RAB36: variants seen among roughly 807,000 people sequenced by gnomAD.
RAB36 encodes the protein ras-related protein Rab-36.
RAB36 carries 33 observed loss-of-function variants against 39.3 expected under a neutral mutation model. The observed-to-expected ratio is 0.84, with a 90% CI of 0.64 to 1.12. The LOEUF (loss-of-function observed/expected upper bound fraction) is 1.12. RAB36 is among the 50% of genes most tolerant of loss of function. The probability of loss-of-function intolerance (pLI) is 0.00; values close to 1 mark genes in which losing one functional copy is unlikely to be tolerated. For missense variants in RAB36, 308 were observed against 355.3 expected, an observed-to-expected ratio of 0.87 and a Z score of 1.07; for synonymous variants, 133 against 140.2, an observed-to-expected ratio of 0.95 and a Z score of 0.36.
At chr22:23,158,847 T>G (rs2146580723) in intron 7 of RAB36, 51 bp from the exon 8 acceptor site, 65 of 1,502,090 alleles carry the variant, frequency 4.3e-5, no homozygotes, top group Non-Finnish European at 5.5e-5. Context: ...CTGCCCCCTG[T>G]TTGGGGTGGG....
rs901767235 is a variant in RAB36 at position 23,165,293 on chromosome 22, C to A, written c.*3729C>A. On this transcript the variant is annotated 3_prime_UTR_variant, in exon 11 of 11. Coordinates refer to ENST00000263116, the MANE Select transcript of RAB36 (RefSeq NM_004914.5). ...CCCAGATGCCACCACACGAAACTTACACCTGCCTGGGGAACAATCCTGTGC... is the reference window on the plus strand; with the variant it reads ...CCCAGATGCCACCACACGAAACTTAAACCTGCCTGGGGAACAATCCTGTGC... Among the ~76,000 whole-genome samples, 3 of 152,240 alleles carry A rather than the reference C, an allele frequency of 2.0e-5. No homozygotes were observed. The highest frequency in any genetic ancestry group is 4.4e-5 in the Non-Finnish European group (3 of 68,034).
downstream of RAB36, among the ~76,000 whole-genome samples, chr22:23,166,147 TAAAAAAAAAAAAAAAAAAAAA>T (rs695297): frequency 1.7e-5 from 1 of 59,888 alleles, no homozygotes; most frequent in Non-Finnish European, 2.8e-5. Flanking sequence ...CTCTGTCTTT[TAAAAAAAAAAAAAAAAAAAAA>T]AAAAAAAAAG....
rs2146622341 is a variant in RAB36, at chr22:23,165,112, G to A, written c.*3548G>A. On this transcript the variant is annotated 3_prime_UTR_variant, in exon 11 of 11. Coordinates refer to ENST00000263116, the MANE Select transcript of RAB36 (RefSeq NM_004914.5). The stretch of plus-strand genomic sequence containing the variant: ...CCCCCACCCATCTGTGGAACCCCAA[G>A]AGCCAGGACAGTGACCTCATCACCT... 6.6e-6 allele frequency among the ~76,000 whole-genome samples: 1 copy of A among 152,274 alleles called. No homozygotes were observed. Among genetic ancestry groups the A allele is most frequent in the Admixed American group, 6.5e-5 (1 of 15,304 alleles).
Position 23,162,673 on chromosome 22 carries a change from G to C in RAB36, c.*1109G>C, listed in dbSNP as rs563683430. On this transcript the variant is annotated 3_prime_UTR_variant, in exon 11 of 11. Coordinates refer to ENST00000263116, the MANE Select transcript of RAB36 (RefSeq NM_004914.5). ...CTATGAACCAGCCCCACAGCCCCAGGCCCCTGTCACCTGGCTATGCCCACT... is the reference window on the plus strand; with the variant it reads ...CTATGAACCAGCCCCACAGCCCCAGCCCCCTGTCACCTGGCTATGCCCACT... 5.5e-5 allele frequency: 25 copies of C among 456,222 alleles called. No homozygotes were observed. The highest frequency in any genetic ancestry group is 4.4e-4 in the African/African-American group (22 of 50,164). 28.3% of individuals were successfully genotyped at this position (456,222 alleles called of 1,614,324 possible).
intron 8 of RAB36, 23 bp from the exon 9 acceptor site, chr22:23,159,140 T>C (rs746632238): frequency 6.2e-7 from 1 of 1,609,148 alleles, no homozygotes; most frequent in Non-Finnish European, 8.5e-7. Context: ...GGACGCTGGG[T>C]CAACAAGGGC....
chr22:23,150,013 G>A (rs369887833), intron 2 of RAB36, 50 bp from the exon 3 acceptor site: 30 of 1,443,472 alleles, frequency 2.1e-5, no homozygotes, highest in Admixed American at 1.2e-4. Flanking sequence ...CTACGAGGGC[G>A]GAGCCACAGC....
chr22:23,145,380 T>C (rs763151233), upstream of RAB36: 7 of 1,607,624 alleles, frequency 4.4e-6, no homozygotes, highest in African/African-American at 5.3e-5. Context: ...TGATCGCCGG[T>C]GCAAGCTGGA....
intron 4 of RAB36, among the ~76,000 whole-genome samples, 164 bp downstream of exon 4, chr22:23,152,690 C>T (rs112654405): frequency 1.8e-4 from 27 of 152,306 alleles, no homozygotes; most frequent in Non-Finnish European, 2.8e-4. Flanking sequence ...TGCAAGAAAT[C>T]GGGGAGATGG....
At chr22:23,168,893 A>G (rs530708558), downstream of RAB36, among the ~76,000 whole-genome samples, 1 of 152,236 alleles carries the variant, frequency 6.6e-6, no homozygotes, top group Non-Finnish European at 1.5e-5. Context: ...CTCTTCCCTG[A>G]CAGGTGGTTG....
chr22:23,152,251 A>T (rs2071188556), intron 3 of RAB36, among the ~76,000 whole-genome samples: 1 of 152,114 alleles, frequency 6.6e-6, no homozygotes, highest in Non-Finnish European at 1.5e-5. Context: ...TGAGGGGTGC[A>T]GCTCTAGGGG....
intron 1 of RAB36, among the ~76,000 whole-genome samples, chr22:23,145,762 G>A (rs544320405): frequency 6.6e-6 from 1 of 152,388 alleles, no homozygotes; most frequent in African/African-American, 2.4e-5. Flanking sequence ...CAGGTCAGAT[G>A]CGGGAAGACA....
rs1031066951 is a variant in RAB36, at chr22:23,162,297, C to T, written c.*733C>T. 1 of 250,854 alleles carries T rather than the reference C, an allele frequency of 4.0e-6. No homozygotes were observed. The highest frequency in any genetic ancestry group is 1.0e-4 in the East Asian group (1 of 9,646). 15.5% of individuals were successfully genotyped at this position (250,854 alleles called of 1,614,324 possible). A position where few individuals can be genotyped will look rare whatever the true frequency, so the allele number is the denominator to read the frequency against. On this transcript the variant is annotated 3_prime_UTR_variant, in exon 11 of 11. Transcript: ENST00000263116. ...GGATGTGCAGAACAACCACTCAGGC[C>T]TTTCTGGCCCACCTGGACAGTGCAT... is the stretch of plus-strand genomic sequence containing the variant.
rs978826116 is a variant in RAB36 at position 23,146,528 on chromosome 22, T to G, written c.-12-77T>G. ...CACCCAGCCTGGATCTGATGAAAAG[T>G]TAGGTGGAAACTCATGGGTGAATCC... On this transcript the variant is annotated intron_variant, in intron 1 of 10. Transcript: ENST00000263116. 1.1e-5 allele frequency: 17 copies of G among 1,552,936 alleles called. No individual in the cohort carries two copies. The African/African-American group carries it at 1.8e-4, about 16-fold the overall frequency.
chr22:23,152,360 G>T (rs2071196592), intron 3 of RAB36, 101 bp from the exon 4 acceptor site: 1 of 1,199,968 alleles, frequency 8.3e-7, no homozygotes, highest in Non-Finnish European at 1.2e-6. Context: ...AGGAGTGAGG[G>T]GTGTCTCACC....
intron 5 of RAB36, among the ~76,000 whole-genome samples, chr22:23,154,643 CAG>C (rs1374328279): frequency 1.3e-5 from 2 of 152,246 alleles, no homozygotes; most frequent in East Asian, 3.8e-4. Flanking sequence ...CTGGACAAAA[CAG>C]GGACACTGTC....
Position 23,161,602 on chromosome 22 carries a change from A to T in RAB36, c.*38A>T. 1 of 1,513,866 alleles carries T rather than the reference A, an allele frequency of 6.6e-7. No homozygotes were observed. The allele number at this position is 1,513,866 out of a possible 1,614,324, so 93.8% of individuals were successfully genotyped here. A position where few individuals can be genotyped will look rare whatever the true frequency, so the allele number is the denominator to read the frequency against. ...TGGAAGGCCTCCGCTCCCTGCACACACACGGACAGGAATTTCCGTGACTGT... is the reference window on the plus strand; with the variant it reads ...TGGAAGGCCTCCGCTCCCTGCACACTCACGGACAGGAATTTCCGTGACTGT... On this transcript the variant is annotated 3_prime_UTR_variant, in exon 11 of 11. Transcript: ENST00000263116.
downstream of RAB36, among the ~76,000 whole-genome samples, chr22:23,166,005 G>A (rs1478286332): frequency 6.6e-6 from 1 of 151,960 alleles, no homozygotes; most frequent in Non-Finnish European, 1.5e-5. Flanking sequence ...AATTAGCCAG[G>A]CATGGTGGCA....
intron 6 of RAB36, among the ~76,000 whole-genome samples, chr22:23,157,324 C>T (rs1172872476): frequency 6.6e-6 from 1 of 151,792 alleles, no homozygotes; most frequent in Non-Finnish European, 1.5e-5. Context: ...AATCTCGGCT[C>T]ACTGCAAGCT....
rs911647472 is a variant in RAB36, at chr22:23,164,384, C to T, written c.*2820C>T. ...GCCAGCTGATTCCCACACACCCTGACTGACATAGTTGTGGCCTCTCGAACT... is the reference window on the plus strand; with the variant it reads ...GCCAGCTGATTCCCACACACCCTGATTGACATAGTTGTGGCCTCTCGAACT... On this transcript the variant is annotated 3_prime_UTR_variant, in exon 11 of 11. Transcript: ENST00000263116. The T allele has an allele frequency of 6.6e-6, 1 of 152,278 alleles. No homozygotes were observed. Among genetic ancestry groups the T allele is most frequent in the Admixed American group, 6.5e-5 (1 of 15,278 alleles). 9.4% of individuals were successfully genotyped at this position (152,278 alleles called of 1,614,324 possible).
Sources: allele counts gnomAD v4.1 joint callset (sites outside exome capture counted in the v4.1 genomes callset), GRCh38; gene constraint gnomAD v4.1.1; transcripts MANE v1.5; gene names NCBI Gene and HGNC (gene_info 2026-07-23, HGNC 2026-07-21).